The following SFMBT2 variants were observed in gnomAD, a reference collection of about 807,000 sequenced individuals.
The protein encoded by SFMBT2 is Scm like with four mbt domains 2.
Under a neutral mutation model 110.1 loss-of-function variants are expected in SFMBT2, and 38 were observed. The observed-to-expected ratio is 0.35, with a 90% CI of 0.27 to 0.45. The LOEUF is 0.45. Ranked by LOEUF, SFMBT2 falls within the 20% of genes least tolerant of loss-of-function variation. SFMBT2 has a pLI of 1.00. For missense variants in SFMBT2, 1,011 were observed against 1,094.9 expected (o/e 0.92, Z 1.08); for synonymous variants, 425 against 425.4 (o/e 1.00, Z 0.01).
intron 11 of SFMBT2, chr10:7,215,494 A>G (rs1014244248): frequency 4.2e-5 from 39 of 929,524 alleles, no homozygotes; most frequent in African/African-American, 5.3e-5. Flanking sequence ...TAATGTTGCA[A>G]TCATCTCCTG....
intron 4 of SFMBT2, among the ~76,000 whole-genome samples, chr10:7,353,073 C>T (rs1438497449): frequency 6.6e-6 from 1 of 151,952 alleles, no homozygotes; most frequent in East Asian, 1.9e-4. Context: ...CCACAGAAGA[C>T]ACCCTTTGCC....
At chr10:7,175,566 T>C (rs1315028264) in intron 17 of SFMBT2, among the ~76,000 whole-genome samples, 2 of 152,178 alleles carry the variant, frequency 1.3e-5, no homozygotes, top group African/African-American at 4.8e-5. Flanking sequence ...GACAAGGATG[T>C]GGCCCCCGTA....
chr10:7,171,992 G>T lies in SFMBT2; in HGVS notation c.2318C>A (p.Pro773Gln). The T allele has an allele frequency of 6.4e-7, 1 of 1,552,742 alleles. No individual in the cohort carries two copies. Residue 773 changes from proline to glutamine, a missense_variant, in exon 19 of 21, where the codon CCA becomes CAA. Transcript: ENST00000397167. The surrounding 1 kb of genome is among the most constrained non-coding windows in gnomAD (Gnocchi z 4.9). ...LRSGSEPVRR[P>Q]PPERTRRGRG... The stretch of plus-strand genomic sequence containing the variant: ...GCCCCTTCGTGTCCTCTCTGGGGGT[G>T]GCCGGCGCACGGGCTCTGAGCCGCT...
At chr10:7,265,920 T>C (rs951930988) in intron 7 of SFMBT2, among the ~76,000 whole-genome samples, 1 of 152,152 alleles carries the variant, frequency 6.6e-6, no homozygotes, top group Non-Finnish European at 1.5e-5. Flanking sequence ...GCCTGCATTC[T>C]AGCTAGGGGA....
intron 11 of SFMBT2, among the ~76,000 whole-genome samples, chr10:7,207,388 GA>G (rs1310845045): frequency 3.5e-5 from 5 of 140,976 alleles, no homozygotes; most frequent in African/African-American, 1.1e-4. Context: ...AAGGAAGAAA[GA>G]AAGAAAGAGA....
At chr10:7,182,877 G>GT (rs1564370969) in intron 16 of SFMBT2, among the ~76,000 whole-genome samples, 1 of 151,324 alleles carries the variant, frequency 6.6e-6, no homozygotes, top group African/African-American at 2.4e-5. Context: ...AAAAAAAAAA[G>GT]TTAAAAAAAA....
chr10:7,398,952 C>T (rs1308565536), intron 1 of SFMBT2, among the ~76,000 whole-genome samples: 1 of 152,182 alleles, frequency 6.6e-6, no homozygotes, highest in Non-Finnish European at 1.5e-5. Context: ...CTAATTAGGG[C>T]ATAATTTTCT....
At chr10:7,379,914 TTAA>T (rs1463327899) in intron 2 of SFMBT2, among the ~76,000 whole-genome samples, 2 of 152,210 alleles carry the variant, frequency 1.3e-5, no homozygotes, top group Non-Finnish European at 2.9e-5. Flanking sequence ...CAGATTATCA[TTAA>T]TGAGTTTCAG....
intron 4 of SFMBT2, among the ~76,000 whole-genome samples, chr10:7,345,068 T>G (rs190154004): frequency 5.4e-5 from 8 of 148,108 alleles, no homozygotes; most frequent in African/African-American, 2.0e-4. Context: ...ACAAGGAAAG[T>G]GAAAGAACCC....
chr10:7,160,342 T>C lies in SFMBT2; in HGVS notation c.*3428A>G, dbSNP rs998684220. On this transcript the variant is annotated 3_prime_UTR_variant, in exon 21 of 21. Transcript: ENST00000397167. ...ACATAGTACAAATACAGTCAAGAAG[T>C]GAGGAGCTGAAACAAGCTCCATGAG... 1.3e-5 allele frequency: 2 copies of C among 152,140 alleles called. No homozygotes were observed. The highest frequency in any genetic ancestry group is 6.6e-5 in the Admixed American group (1 of 15,266). 9.4% of individuals were successfully genotyped at this position (152,140 alleles called of 1,614,324 possible).
At position 7,311,612 on chromosome 10, in the gene SFMBT2, C is replaced by G. The variant is rs1318514251; in HGVS notation, c.437-25658G>C. On this transcript the variant is annotated intron_variant, in intron 4 of 20. Coordinates refer to ENST00000397167, the MANE Select transcript of SFMBT2 (RefSeq NM_001387889.1). ...CAAGCTGCTATGATTAATCACCACC[C>G]TTCAGTTAAAGTCAATATCCTACTC... Among the ~76,000 whole-genome samples the G allele has an allele frequency of 2.0e-5, 3 of 152,290 alleles. No homozygotes were observed. The South Asian group carries it at 6.2e-4, about 32-fold the overall frequency.
chr10:7,183,668 G>T (rs1414476020), intron 16 of SFMBT2, among the ~76,000 whole-genome samples: 1 of 152,126 alleles, frequency 6.6e-6, no homozygotes, highest in Non-Finnish European at 1.5e-5. Flanking sequence ...TCTCCTCTCT[G>T]GGGACGTTTC....
intron 16 of SFMBT2, among the ~76,000 whole-genome samples, chr10:7,184,655 C>T (rs962358464): frequency 2.0e-5 from 3 of 151,992 alleles, no homozygotes; most frequent in Admixed American, 1.3e-4. Flanking sequence ...ACCACCGGCA[C>T]GGCCCAAGCA....
chr10:7,257,495 G>A (rs992284722), intron 7 of SFMBT2, among the ~76,000 whole-genome samples: 2 of 152,222 alleles, frequency 1.3e-5, no homozygotes, highest in Non-Finnish European at 1.5e-5. Flanking sequence ...TCTCTGGCAG[G>A]TGCCAAAGCT....
At chr10:7,222,307 T>C (rs1839768130) in intron 10 of SFMBT2, among the ~76,000 whole-genome samples, 1 of 152,150 alleles carries the variant, frequency 6.6e-6, no homozygotes, top group African/African-American at 2.4e-5. Context: ...ACATTAAACA[T>C]TCTGGTACAA....
In SFMBT2 at chr10:7,170,468, C is replaced by T. The variant is rs550350684; in HGVS notation, c.2544+460G>A. Reference sequence around the variant, plus strand: ...AGAGTGTGCTATCCTGACTTCCGGCCTGGCCAGGTGGCAACTGGGCACCCC... The same window carrying T: ...AGAGTGTGCTATCCTGACTTCCGGCTTGGCCAGGTGGCAACTGGGCACCCC... On this transcript the variant is annotated intron_variant, in intron 20 of 20. Transcript: ENST00000397167. This position sits in a 1 kb window ranked among gnomAD's most constrained non-coding sequence, Gnocchi z 4.6. Among the ~76,000 whole-genome samples the T allele has an allele frequency of 6.6e-6, 1 of 152,326 alleles. No homozygotes were observed. The highest frequency in any genetic ancestry group is 1.5e-5 in the Non-Finnish European group (1 of 68,022).
At position 7,190,366 on chromosome 10, in the gene SFMBT2, CT is replaced by C. The variant is rs368893456; in HGVS notation, c.1699-1634del. On this transcript the variant is annotated intron_variant, in intron 15 of 20. Coordinates refer to ENST00000397167, the MANE Select transcript of SFMBT2 (RefSeq NM_001387889.1). ...AACAGATTCTTTTCATTGGGTTTCGCTGAGAAAACCCCAGAGCTGCATGTTA... is the reference window on the plus strand; with the variant it reads ...AACAGATTCTTTTCATTGGGTTTCGCGAGAAAACCCCAGAGCTGCATGTTA... Among the ~76,000 whole-genome samples the C allele has an allele frequency of 1.7e-4, 26 of 152,302 alleles. No homozygotes were observed. The East Asian group carries it at 4.0e-3, about 24-fold the overall frequency.
chr10:7,198,706 T>A (rs771358925), intron 14 of SFMBT2, among the ~76,000 whole-genome samples: 1 of 152,214 alleles, frequency 6.6e-6, no homozygotes, highest in Non-Finnish European at 1.5e-5. Flanking sequence ...CTGTCTCCAA[T>A]GCCATGGGCA....
chr10:7,342,083 TAAA>T (rs34326199), intron 4 of SFMBT2, among the ~76,000 whole-genome samples: 4 of 136,300 alleles, frequency 2.9e-5, no homozygotes, highest in Non-Finnish European at 1.6e-5. Flanking sequence ...ACTGCCTCAT[TAAA>T]AAAAAAAAAA....
Sources: gnomAD v4.1 joint callset for allele counts (sites outside exome capture counted in the v4.1 genomes callset) on GRCh38, gnomAD v4.1.1 for gene constraint, Gnocchi (gnomAD v3.1) non-coding constraint, MANE v1.5 for transcripts, NCBI Gene and HGNC (gene_info 2026-07-23, HGNC 2026-07-21) for gene names.